Variants in PALLD observed in about 807,000 individuals in gnomAD.
PALLD encodes the protein palladin.
In PALLD, 61 loss-of-function variants were observed where a neutral mutation model predicts 123.5. That is an observed-to-expected ratio of 0.49 (90% CI 0.40 to 0.61). PALLD has a LOEUF of 0.61. Ranked by LOEUF, PALLD falls within the 20% of genes least tolerant of loss-of-function variation. PALLD has a pLI of 0.00. For synonymous variants in PALLD, 465 were observed against 496.4 expected, an observed-to-expected ratio of 0.94 and a Z score of 0.84; for missense variants, 1,273 against 1,377.0, an observed-to-expected ratio of 0.92 and a Z score of 1.20.
At chr4:168,896,107 G>A (rs562719961) in intron 12 of PALLD, among the ~76,000 whole-genome samples, 7 of 152,164 alleles carry the variant, frequency 4.6e-5, no homozygotes, top group Non-Finnish European at 1.0e-4. Context: ...CTACGCGGGA[G>A]GCTGAGACAT....
At chr4:168,804,896 C>T (rs749687854) in intron 10 of PALLD, among the ~76,000 whole-genome samples, 16 of 152,124 alleles carry the variant, frequency 1.1e-4, no homozygotes, top group African/African-American at 2.9e-4. Context: ...TGTGGTGGCT[C>T]ACACCTGTAA....
chr4:168,571,165 A>G (rs1376710342), intron 2 of PALLD, among the ~76,000 whole-genome samples: 1 of 152,066 alleles, frequency 6.6e-6, no homozygotes, highest in African/African-American at 2.4e-5. Context: ...TTTACCATTC[A>G]GTTCTCCTTT....
intron 10 of PALLD, among the ~76,000 whole-genome samples, chr4:168,741,871 A>G (rs1310308651): frequency 2.6e-5 from 4 of 152,152 alleles, no homozygotes; most frequent in Non-Finnish European, 5.9e-5. Context: ...GAGGTGGGAG[A>G]GCGAAGGAAC....
chr4:168,573,055 C>T (rs1487683067), intron 2 of PALLD, among the ~76,000 whole-genome samples: 3 of 81,418 alleles, frequency 3.7e-5, no homozygotes, highest in African/African-American at 1.3e-4. Flanking sequence ...CCTCATCTAC[C>T]ACTCTTCTCC....
At chr4:168,774,410 C>T (rs1734879621) in intron 10 of PALLD, among the ~76,000 whole-genome samples, 1 of 152,042 alleles carries the variant, frequency 6.6e-6, no homozygotes, top group African/African-American at 2.4e-5. Context: ...TGTACATGCC[C>T]TTGGAAGCAT....
At chr4:168,741,347 T>TGTG (rs60613120) in intron 10 of PALLD, among the ~76,000 whole-genome samples, 7 of 131,904 alleles carry the variant, frequency 5.3e-5, no homozygotes, top group Admixed American at 2.3e-4. Flanking sequence ...TTTGTTTTTT[T>TGTG]TGTGTGTGTG....
intron 10 of PALLD, among the ~76,000 whole-genome samples, chr4:168,761,658 T>TTTTTTTTTTTTTTTTTTTTTTTTTTTTTG (rs1732924246): frequency 1.6e-4 from 7 of 43,112 alleles, no homozygotes; most frequent in Non-Finnish European, 2.7e-4. Context: ...TTTTTTTTTT[T>TTTTTTTTTTTTTTTTTTTTTTTTTTTTTG]TTTTTTTTTT....
chr4:168,549,753 G>A (rs1366951089), intron 2 of PALLD, among the ~76,000 whole-genome samples: 1 of 149,832 alleles, frequency 6.7e-6, no homozygotes, highest in Non-Finnish European at 1.5e-5. Context: ...ACATTCATGG[G>A]CAATAGTTCA....
intron 2 of PALLD, among the ~76,000 whole-genome samples, chr4:168,618,242 T>A (rs1476412578): frequency 6.6e-6 from 1 of 152,204 alleles, no homozygotes; most frequent in Non-Finnish European, 1.5e-5. Context: ...CTGAGATAAG[T>A]GAATGAAATA....
At chr4:168,599,270 G>A (rs1304651539) in intron 2 of PALLD, among the ~76,000 whole-genome samples, 1 of 152,156 alleles carries the variant, frequency 6.6e-6, no homozygotes, top group East Asian at 1.9e-4. Context: ...CTTGGAAGAA[G>A]ACCATACAAG....
chr4:168,873,370 TAAAG>T (rs1270889509), intron 10 of PALLD, among the ~76,000 whole-genome samples: 7 of 152,180 alleles, frequency 4.6e-5, no homozygotes, highest in Non-Finnish European at 7.3e-5. Context: ...AATCAAATAT[TAAAG>T]AAAGCATATA....
chr4:168,535,734 C>A (rs1386633020), intron 2 of PALLD, among the ~76,000 whole-genome samples: 1 of 152,164 alleles, frequency 6.6e-6, no homozygotes. Flanking sequence ...CCATTGCATC[C>A]CTCTTAAGAA....
chr4:168,912,547 T>C (rs1759197630), intron 15 of PALLD, among the ~76,000 whole-genome samples: 1 of 152,250 alleles, frequency 6.6e-6, no homozygotes, highest in Non-Finnish European at 1.5e-5. Flanking sequence ...GAGTATTACT[T>C]GTCTGTTCAC....
chr4:168,808,276 C>A (rs898453123), intron 10 of PALLD, among the ~76,000 whole-genome samples: 2 of 151,464 alleles, frequency 1.3e-5, no homozygotes, highest in Non-Finnish European at 2.9e-5. Context: ...GTCAGGAGAT[C>A]GAGACCATCC....
At chr4:168,702,136 T>C (rs5025380) in intron 8 of PALLD, among the ~76,000 whole-genome samples, 26,835 of 152,120 alleles carry the variant, frequency 0.18, 2,990 homozygotes, top group East Asian at 0.33. Flanking sequence ...CCTTACTTTA[T>C]GTAAGATTTC....
At chr4:168,842,426 C>T (rs1746163195) in intron 10 of PALLD, among the ~76,000 whole-genome samples, 1 of 152,194 alleles carries the variant, frequency 6.6e-6, no homozygotes, top group African/African-American at 2.4e-5. Context: ...AAATCTGCAT[C>T]CTGGTGTAGA....
chr4:168,697,880 AG>A (rs1783290190), intron 8 of PALLD, among the ~76,000 whole-genome samples: 1 of 152,210 alleles, frequency 6.6e-6, no homozygotes, highest in African/African-American at 2.4e-5. Context: ...TATACCCAAA[AG>A]AAAGGAAGTC....
chr4:168,758,083 T>C lies in PALLD; in HGVS notation c.1964+46160T>C, dbSNP rs955849336. On this transcript the variant is annotated intron_variant, in intron 10 of 21. Transcript: ENST00000505667. ...GAGACTCCATCTCAAAAAATAATAA[T>C]AACATATTTAATCATAGGGACCATT... Among the ~76,000 whole-genome samples, 29 of 152,114 alleles carry C rather than the reference T, an allele frequency of 1.9e-4. 1 individual carries two copies. The highest frequency in any genetic ancestry group is 1.6e-3 in the Admixed American group (24 of 15,262).
At chr4:168,589,960 A>G (rs1771235367) in intron 2 of PALLD, among the ~76,000 whole-genome samples, 1 of 152,216 alleles carries the variant, frequency 6.6e-6, no homozygotes, top group Non-Finnish European at 1.5e-5. Context: ...GTCCATTTGC[A>G]CCAAATGTCA....
Sources: allele counts gnomAD v4.1 joint callset (sites outside exome capture counted in the v4.1 genomes callset), GRCh38; gene constraint gnomAD v4.1.1; transcripts MANE v1.5; gene names NCBI Gene and HGNC (gene_info 2026-07-23, HGNC 2026-07-21).